TENM3: variants seen among roughly 807,000 people sequenced by gnomAD.
TENM3 encodes the protein teneurin transmembrane protein 3.
TENM3 carries 63 observed loss-of-function variants against 255.1 expected under a neutral mutation model. The ratio of observed to expected loss-of-function variants is 0.25; its 90% CI spans 0.20 to 0.30. TENM3 has a LOEUF of 0.30. Among genes scored for constraint, TENM3 ranks in the 10% least tolerant of loss-of-function variants. The probability of loss-of-function intolerance (pLI) is 1.00; values close to 1 mark genes in which losing one functional copy is unlikely to be tolerated. For synonymous variants in TENM3, 1,306 were observed against 1,322.3 expected, an observed-to-expected ratio of 0.99 and a Z score of 0.27; for missense variants, 2,929 against 3,461.1, an observed-to-expected ratio of 0.85 and a Z score of 3.86.
intron 13 of TENM3, among the ~76,000 whole-genome samples, chr4:182,715,364 G>A (rs1277275280): frequency 1.3e-5 from 2 of 152,210 alleles, no homozygotes; most frequent in South Asian, 2.1e-4. Context: ...ACTGGCTAGA[G>A]TGTAGGTTTT....
the TENM3 span, among the ~76,000 whole-genome samples, chr4:181,831,538 CTG>C: frequency 1.4e-5 from 2 of 145,534 alleles, no homozygotes; most frequent in Non-Finnish European, 3.0e-5. Flanking sequence ...TTATAAAAGA[CTG>C]GACATAAGGG....
the TENM3 span, among the ~76,000 whole-genome samples, chr4:181,942,800 T>C: frequency 6.6e-6 from 1 of 152,224 alleles, no homozygotes; most frequent in African/African-American, 2.4e-5. Flanking sequence ...TGAGAGTCAA[T>C]TTCATGTCCT....
chr4:182,671,503 A>G (rs1041000351), intron 6 of TENM3, among the ~76,000 whole-genome samples: 3 of 152,164 alleles, frequency 2.0e-5, no homozygotes, highest in African/African-American at 7.2e-5. Context: ...GCCTGCAGTG[A>G]TAGTGCCTTT....
intron 1 of TENM3, among the ~76,000 whole-genome samples, chr4:182,161,662 CAAAT>C (rs1340148262): frequency 2.6e-5 from 2 of 77,332 alleles, no homozygotes; most frequent in Admixed American, 1.4e-4. Flanking sequence ...TACACACACA[CAAAT>C]ATATATATGT....
In TENM3 at chr4:182,603,784, T is replaced by TATATATAG. The variant is rs58332965; in HGVS notation, c.749+2624_749+2625insTATATAGA. On this transcript the variant is annotated intron_variant, in intron 4 of 27. Transcript: ENST00000511685. Reference sequence around the variant, plus strand: ...AATTATTTATATATATATATATATATACACACACACACCGATTTTGCTAAT... The same window carrying TATATATAG: ...AATTATTTATATATATATATATATATATATATAGACACACACACACCGATTTTGCTAAT... 3.1e-4 allele frequency among the ~76,000 whole-genome samples: 41 copies of TATATATAG among 134,164 alleles called. 2 individuals are homozygous for TATATATAG. The highest frequency in any genetic ancestry group is 7.7e-4 in the South Asian group (3 of 3,878). 88.0% of individuals were successfully genotyped at this position (134,164 alleles called of 152,430 possible). A position where few individuals can be genotyped will look rare whatever the true frequency, so the allele number is the denominator to read the frequency against.
chr4:181,839,384 T>TATATATATATATATATATACAC, the TENM3 span, among the ~76,000 whole-genome samples: 2 of 83,496 alleles, frequency 2.4e-5, no homozygotes, highest in African/African-American at 5.1e-5. Context: ...TATATATATA[T>TATATATATATATATATATACAC]ACACCTATAT....
the TENM3 span, among the ~76,000 whole-genome samples, chr4:181,844,496 G>A: frequency 6.6e-6 from 1 of 151,810 alleles, no homozygotes; most frequent in Non-Finnish European, 1.5e-5. Context: ...GTGAAACCCC[G>A]TCTCTACTAA....
chr4:181,481,147 CTCTTT>C, the TENM3 span, among the ~76,000 whole-genome samples: 4 of 145,052 alleles, frequency 2.8e-5, no homozygotes, highest in African/African-American at 5.7e-5. Context: ...ATAAAAAACT[CTCTTT>C]TCTTTTTTTT....
chr4:182,066,006 A>G, the TENM3 span, among the ~76,000 whole-genome samples: 2 of 152,172 alleles, frequency 1.3e-5, no homozygotes, highest in African/African-American at 4.8e-5. Context: ...TGTTTCGGGG[A>G]TATACACCTA....
chr4:182,104,313 C>T, the TENM3 span, among the ~76,000 whole-genome samples: 1 of 152,010 alleles, frequency 6.6e-6, no homozygotes, highest in South Asian at 2.1e-4. Context: ...TCAACATGAT[C>T]CCCTTGAATA....
chr4:182,347,211 C>A (rs1193768505), intron 3 of TENM3, among the ~76,000 whole-genome samples: 9 of 151,958 alleles, frequency 5.9e-5, no homozygotes, highest in East Asian at 1.9e-4. Flanking sequence ...GGTTAATCAT[C>A]TACAGAAAAA....
chr4:181,884,834 G>A, the TENM3 span, among the ~76,000 whole-genome samples: 1 of 151,816 alleles, frequency 6.6e-6, no homozygotes, highest in Admixed American at 6.6e-5. Context: ...CTGACCTCAA[G>A]GTTTTCCTTT....
intron 1 of TENM3, among the ~76,000 whole-genome samples, chr4:182,163,708 G>A (rs190097212): frequency 3.5e-4 from 54 of 152,270 alleles, no homozygotes; most frequent in African/African-American, 1.2e-3. Flanking sequence ...GAGGATAAAC[G>A]TGTAGCCCTC....
chr4:182,736,222 G>C (rs1386451846), intron 16 of TENM3, among the ~76,000 whole-genome samples: 1 of 152,120 alleles, frequency 6.6e-6, no homozygotes, highest in Non-Finnish European at 1.5e-5. Flanking sequence ...GGTGTTTTTT[G>C]TTATCCTTAC....
the TENM3 span, among the ~76,000 whole-genome samples, chr4:181,803,712 C>G: frequency 6.6e-6 from 1 of 151,946 alleles, no homozygotes; most frequent in Non-Finnish European, 1.5e-5. Flanking sequence ...TGCCTTTAAT[C>G]ATGAGGCCAG....
chr4:181,984,789 CGTGTGTGTGTGTGTGTGTGTGTGT>C, the TENM3 span, among the ~76,000 whole-genome samples: 3 of 138,496 alleles, frequency 2.2e-5, no homozygotes, highest in Admixed American at 1.5e-4. Flanking sequence ...CTAAAAGAGT[CGTGTGTGTGTGTGTGTGTGTGTGT>C]GTGTGTGTGT....
In TENM3 at chr4:182,714,195, T is replaced by G. The variant is rs780875618; in HGVS notation, c.2330T>G (p.Met777Arg). 6.2e-7 allele frequency: 1 copy of G among 1,613,374 alleles called. No homozygotes were observed. The highest frequency in any genetic ancestry group is 8.5e-7 in the Non-Finnish European group (1 of 1,179,810). ...GWRGAGCDVA[M>R]ETLCTDSKDN... is the part of the protein sequence containing the mutation. ...AGAGGAGCAGGCTGTGACGTAGCCA[T>G]GGAGACTCTTTGCACAGATAGCAAG... The change falls in exon 13 of 28, where the codon ATG becomes AGG. Residue 777 changes from methionine (M) to arginine (R), a missense_variant. Physicochemically the swap from Met to Arg is moderately conservative, Grantham distance 91. Coordinates refer to ENST00000511685, the MANE Select transcript of TENM3 (RefSeq NM_001080477.4).
chr4:181,919,106 C>T, the TENM3 span, among the ~76,000 whole-genome samples: 1 of 152,130 alleles, frequency 6.6e-6, no homozygotes, highest in South Asian at 2.1e-4. Flanking sequence ...GATAAGAATT[C>T]CTTCGGGAAG....
intron 1 of TENM3, among the ~76,000 whole-genome samples, chr4:182,221,301 CT>C (rs1389142382): frequency 1.3e-5 from 2 of 152,118 alleles, no homozygotes; most frequent in African/African-American, 2.4e-5. Flanking sequence ...AATATTTGAT[CT>C]TTTTAAGGAT....
Sources: gnomAD v4.1 joint callset for allele counts (sites outside exome capture counted in the v4.1 genomes callset) on GRCh38, gnomAD v4.1.1 for gene constraint, MANE v1.5 for transcripts, NCBI Gene and HGNC (gene_info 2026-07-23, HGNC 2026-07-21) for gene names.